NSF: variants seen among roughly 807,000 people sequenced by gnomAD.
The protein encoded by NSF is vesicle-fusing ATPase.
A neutral mutation model predicts 50.3 loss-of-function variants in NSF; 14 were observed. That is an observed-to-expected ratio of 0.28 (90% CI 0.18 to 0.44). The LOEUF is 0.44. Among genes scored for constraint, NSF ranks in the 20% least tolerant of loss-of-function variants. NSF has a pLI of 1.00. For synonymous variants in NSF, 109 were observed against 175.7 expected (o/e 0.62, Z 3.00); for missense variants, 218 against 504.3 (o/e 0.43, Z 5.44).
intron 17 of NSF, among the ~76,000 whole-genome samples, chr17:46,736,728 G>T (rs182146511): frequency 6.6e-6 from 1 of 152,352 alleles, no homozygotes; most frequent in Non-Finnish European, 1.5e-5. Flanking sequence ...AGGGTTAAAT[G>T]AGACTACCTT....
chr17:46,738,830 A>G (rs2059036335), intron 17 of NSF, among the ~76,000 whole-genome samples: 1 of 152,244 alleles, frequency 6.6e-6, no homozygotes, highest in Admixed American at 6.5e-5. Context: ...GGTTGGGCGC[A>G]GTGGCTTACG....
At chr17:46,734,518 A>G (rs1421764000) in intron 17 of NSF, among the ~76,000 whole-genome samples, 1 of 152,134 alleles carries the variant, frequency 6.6e-6, no homozygotes, top group Non-Finnish European at 1.5e-5. Context: ...ATTTTCTTGG[A>G]AAGTCCTTTG....
At chr17:46,722,142 A>G in intron 15 of NSF, 3 of 1,611,878 alleles carry the variant, frequency 1.9e-6, no homozygotes, top group Non-Finnish European at 2.5e-6. Context: ...ATTGGGCTTC[A>G]CGATCTTGGC....
chr17:46,753,135 G>A (rs1038814740), intron 19 of NSF, among the ~76,000 whole-genome samples: 8 of 152,194 alleles, frequency 5.3e-5, no homozygotes, highest in Non-Finnish European at 1.2e-4. Context: ...CAGAGTGGCT[G>A]TATTCTAGGC....
chr17:46,703,705 C>CA (rs1210689723), intron 12 of NSF, among the ~76,000 whole-genome samples: 4 of 115,540 alleles, frequency 3.5e-5, no homozygotes, highest in African/African-American at 1.3e-4. Context: ...AAAAAAAAAA[C>CA]AAAAAACAGA....
chr17:46,598,686 A>G (rs1480565871), intron 1 of NSF, among the ~76,000 whole-genome samples: 1 of 152,172 alleles, frequency 6.6e-6, no homozygotes, highest in Non-Finnish European at 1.5e-5. Flanking sequence ...ATCAGTATCA[A>G]TATCAGAAGC....
chr17:46,733,350 T>C (rs1331790036), intron 17 of NSF, among the ~76,000 whole-genome samples: 4 of 148,466 alleles, frequency 2.7e-5, no homozygotes, highest in Admixed American at 2.0e-4. Flanking sequence ...TGCCACCTTC[T>C]TTTTTTTTTC....
At chr17:46,741,011 T>TTG (rs1163802713) in intron 17 of NSF, among the ~76,000 whole-genome samples, 1 of 152,184 alleles carries the variant, frequency 6.6e-6, no homozygotes, top group Non-Finnish European at 1.5e-5. Flanking sequence ...AGATCAGCCA[T>TTG]TGCTGATATG....
At chr17:46,631,068 A>ACACACACACACC (rs2058131217) in intron 4 of NSF, among the ~76,000 whole-genome samples, 1 of 143,458 alleles carries the variant, frequency 7.0e-6, no homozygotes, top group Non-Finnish European at 1.5e-5. Context: ...CTGTACACAC[A>ACACACACACACC]CACACACACA....
chr17:46,718,055 A>T (rs1329594944), intron 15 of NSF, among the ~76,000 whole-genome samples: 1 of 152,170 alleles, frequency 6.6e-6, no homozygotes, highest in East Asian at 1.9e-4. Context: ...CCTCAGAGTG[A>T]CACCAGTAAT....
At chr17:46,694,287 T>C (rs896405986) in intron 11 of NSF, among the ~76,000 whole-genome samples, 188 bp from the exon 12 acceptor site, 1 of 138,658 alleles carries the variant, frequency 7.2e-6, no homozygotes, top group Non-Finnish European at 1.5e-5. Context: ...CTCGGAAGGC[T>C]GAGATAGGAG....
intron 19 of NSF, among the ~76,000 whole-genome samples, chr17:46,753,064 C>T (rs1192002913): frequency 1.5e-4 from 23 of 152,192 alleles, no homozygotes; most frequent in Admixed American, 1.5e-3. Flanking sequence ...CCACTGCGCC[C>T]GGCCAGTAAA....
At chr17:46,707,843 C>A (rs1007592626) in intron 13 of NSF, among the ~76,000 whole-genome samples, 1 of 151,758 alleles carries the variant, frequency 6.6e-6, no homozygotes, top group Non-Finnish European at 1.5e-5. Context: ...ACTAGCCTGG[C>A]CAACATAGTG....
intron 17 of NSF, among the ~76,000 whole-genome samples, chr17:46,748,799 GTACCTGGTAAAC>G (rs1308604169): frequency 6.6e-6 from 1 of 152,184 alleles, no homozygotes. Context: ...CTTGTGATAA[GTACCTGGTAAAC>G]TAAGCAAAGG....
At chr17:46,707,087 G>A (rs2146252226) in intron 13 of NSF, among the ~76,000 whole-genome samples, 1 of 152,134 alleles carries the variant, frequency 6.6e-6, no homozygotes, top group African/African-American at 2.4e-5. Flanking sequence ...CTGACCTCAG[G>A]TGATCTGCCT....
intron 8 of NSF, among the ~76,000 whole-genome samples, chr17:46,662,080 T>C (rs1364680686): frequency 2.1e-4 from 20 of 94,162 alleles, no homozygotes; most frequent in South Asian, 3.5e-4. Flanking sequence ...TGAGGTCAGG[T>C]GATCCACCCG....
intron 15 of NSF, chr17:46,721,686 C>G: frequency 1.9e-6 from 3 of 1,605,486 alleles, no homozygotes; most frequent in Non-Finnish European, 2.6e-6. Context: ...TTCTGCTGTG[C>G]TTTGTCCAAA....
intron 13 of NSF, among the ~76,000 whole-genome samples, chr17:46,710,709 G>A (rs1207256789): frequency 1.3e-5 from 2 of 152,058 alleles, no homozygotes; most frequent in Admixed American, 1.3e-4. Context: ...GAATTATGAG[G>A]GTTTGAGTCT....
At position 46,621,168 on chromosome 17, in the gene NSF, T is replaced by C. The variant is rs1024127104; in HGVS notation, c.13-3076T>C. Among the ~76,000 whole-genome samples the C allele has an allele frequency of 1.2e-3, 180 of 148,186 alleles. 6 individuals carry two copies. Among genetic ancestry groups the C allele is most frequent in the Non-Finnish European group, 1.9e-3 (128 of 67,416 alleles). On this transcript the variant is annotated intron_variant, in intron 1 of 20. Transcript: ENST00000398238. ...AGAGTATAGGAAGATTCTATATTCA[T>C]ACAGTTAACCTCAGTGACATCTGAG...
Sources: allele counts gnomAD v4.1 joint callset (sites outside exome capture counted in the v4.1 genomes callset), GRCh38; gene constraint gnomAD v4.1.1; transcripts MANE v1.5; gene names NCBI Gene and HGNC (gene_info 2026-07-23, HGNC 2026-07-21).